MCUB: variants seen among roughly 807,000 people sequenced by gnomAD.
The protein encoded by MCUB is calcium uniporter regulatory subunit MCUb, mitochondrial.
In MCUB, 46 loss-of-function variants were observed where a neutral mutation model predicts 41.4. The ratio of observed to expected loss-of-function variants is 1.11; its 90% CI spans 0.88 to 1.42. The LOEUF is 1.42. Among genes scored for constraint, MCUB ranks in the 40% most tolerant of loss-of-function variants. The pLI is 0.00. For synonymous variants in MCUB, 148 were observed against 148.2 expected (o/e 1.00, Z 0.01); for missense variants, 403 against 404.9 (o/e 1.00, Z 0.04).
intron 4 of MCUB, among the ~76,000 whole-genome samples, chr4:109,675,700 T>C (rs1006846193): frequency 4.6e-5 from 7 of 152,196 alleles, no homozygotes; most frequent in African/African-American, 1.7e-4. Flanking sequence ...TGGGAGGTGT[T>C]TGGCTCATGG....
chr4:109,660,830 TA>T (rs78342737), intron 3 of MCUB, among the ~76,000 whole-genome samples: 306 of 143,712 alleles, frequency 2.1e-3, no homozygotes, highest in Middle Eastern at 3.5e-3. Context: ...AAAAGAAAAT[TA>T]AAAAAAAAAA....
intron 1 of MCUB, among the ~76,000 whole-genome samples, chr4:109,580,806 T>A (rs1427167511): frequency 6.6e-6 from 1 of 152,158 alleles, no homozygotes; most frequent in Non-Finnish European, 1.5e-5. Flanking sequence ...ATTGTAAAAA[T>A]TTTCTCCCAG....
intron 1 of MCUB, among the ~76,000 whole-genome samples, chr4:109,561,673 C>G (rs1726640980): frequency 6.6e-6 from 1 of 152,160 alleles, no homozygotes; most frequent in South Asian, 2.1e-4. Flanking sequence ...ATTGTGTAGT[C>G]AAAGAGATAC....
intron 1 of MCUB, among the ~76,000 whole-genome samples, chr4:109,653,360 C>G (rs1729005539): frequency 6.8e-6 from 1 of 147,182 alleles, no homozygotes; most frequent in African/African-American, 2.5e-5. Flanking sequence ...GCCTGGGGGA[C>G]AGAGCAAGAC....
intron 1 of MCUB, among the ~76,000 whole-genome samples, chr4:109,596,621 C>T (rs1036409616): frequency 1.3e-5 from 2 of 152,118 alleles, no homozygotes; most frequent in African/African-American, 4.8e-5. Context: ...ATATCACTCT[C>T]TAGTGTCTGG....
At chr4:109,650,712 T>C (rs1561240936) in intron 1 of MCUB, among the ~76,000 whole-genome samples, 1 of 152,188 alleles carries the variant, frequency 6.6e-6, no homozygotes, top group Admixed American at 6.5e-5. Flanking sequence ...ACCATCTAAT[T>C]TTTAGACCTC....
intron 1 of MCUB, among the ~76,000 whole-genome samples, chr4:109,596,492 C>T (rs1727558022): frequency 1.3e-5 from 2 of 151,566 alleles, no homozygotes; most frequent in Admixed American, 6.6e-5. Flanking sequence ...AGACACAGTG[C>T]CCTTCTTGCC....
chr4:109,611,400 A>C (rs1328810378), intron 1 of MCUB, among the ~76,000 whole-genome samples: 1 of 152,238 alleles, frequency 6.6e-6, no homozygotes, highest in Non-Finnish European at 1.5e-5. Context: ...GGATATGTGA[A>C]AAGTAAAATG....
In MCUB at chr4:109,593,213, G is replaced by A. The variant is rs557772103; in HGVS notation, c.99+32777G>A. Among the ~76,000 whole-genome samples the A allele has an allele frequency of 9.2e-5, 14 of 152,274 alleles. No individual in the cohort carries two copies. In the East Asian group the frequency reaches 2.1e-3, roughly 23 times the overall value. On this transcript the variant is annotated intron_variant, in intron 1 of 7. Transcript: ENST00000394650. ...AAAGGTATATCAGGAATCTTATTTC[G>A]TGTCAATCAATACCTTTTTACGTAA...
intron 1 of MCUB, among the ~76,000 whole-genome samples, chr4:109,632,374 T>C (rs1305792168): frequency 6.6e-6 from 1 of 152,120 alleles, no homozygotes; most frequent in Non-Finnish European, 1.5e-5. Context: ...TCTAAAATAG[T>C]GAGAAGTCTG....
chr4:109,588,030 G>T (rs12640500), intron 1 of MCUB, among the ~76,000 whole-genome samples: 29,069 of 152,162 alleles, frequency 0.19, 3,900 homozygotes, highest in African/African-American at 0.37. Flanking sequence ...GTATCTAATG[G>T]ACAGTGCTGA....
chr4:109,658,598 G>A (rs918940107), intron 1 of MCUB, among the ~76,000 whole-genome samples: 2 of 152,082 alleles, frequency 1.3e-5, no homozygotes, highest in Admixed American at 6.6e-5. Flanking sequence ...TGCCCGGCCC[G>A]ATTCTGCATT....
At position 109,564,420 on chromosome 4, in the gene MCUB, G is replaced by C. The variant is rs916370891; in HGVS notation, c.99+3984G>C. Among the ~76,000 whole-genome samples the C allele has an allele frequency of 3.9e-5, 6 of 152,286 alleles. No individual in the cohort carries two copies. The South Asian group carries it at 1.2e-3, about 32-fold the overall frequency. ...CCCAAAGTGCTGGGATTACAAGCAT[G>C]AGACACTGCGCCCGGCTGGCTATAT... On this transcript the variant is annotated intron_variant, in intron 1 of 7. Coordinates refer to ENST00000394650, the MANE Select transcript of MCUB (RefSeq NM_017918.5).
intron 1 of MCUB, among the ~76,000 whole-genome samples, chr4:109,601,072 C>A (rs909483480): frequency 6.6e-6 from 1 of 151,904 alleles, no homozygotes; most frequent in East Asian, 1.9e-4. Context: ...GGATTACAGG[C>A]GTGAGCTACC....
At chr4:109,661,166 A>G (rs918995799) in intron 3 of MCUB, among the ~76,000 whole-genome samples, 1 of 152,260 alleles carries the variant, frequency 6.6e-6, no homozygotes, top group Admixed American at 6.5e-5. Flanking sequence ...CATCACTTAG[A>G]CATTTAAAAT....
chr4:109,566,581 T>G (rs574125514), intron 1 of MCUB, among the ~76,000 whole-genome samples: 1 of 152,174 alleles, frequency 6.6e-6, no homozygotes, highest in Non-Finnish European at 1.5e-5. Context: ...TTTCAATCAT[T>G]AAGACCATTC....
intron 1 of MCUB, among the ~76,000 whole-genome samples, chr4:109,620,077 G>A (rs867807438): frequency 6.6e-6 from 1 of 152,138 alleles, no homozygotes; most frequent in African/African-American, 2.4e-5. Context: ...GGCATCAGCC[G>A]GATATCCCTA....
At chr4:109,668,845 C>G (rs1729398102) in intron 4 of MCUB, among the ~76,000 whole-genome samples, 1 of 151,938 alleles carries the variant, frequency 6.6e-6, no homozygotes, top group Admixed American at 6.6e-5. Context: ...TTGCAATATA[C>G]ATTTACAACT....
intron 1 of MCUB, among the ~76,000 whole-genome samples, chr4:109,585,149 T>C (rs1727276036): frequency 6.6e-6 from 1 of 152,204 alleles, no homozygotes; most frequent in Non-Finnish European, 1.5e-5. Context: ...GGTGCATATA[T>C]ATTTAGGATA....
Sources: gnomAD v4.1 joint callset for allele counts (sites outside exome capture counted in the v4.1 genomes callset) on GRCh38, gnomAD v4.1.1 for gene constraint, MANE v1.5 for transcripts, NCBI Gene and HGNC (gene_info 2026-07-23, HGNC 2026-07-21) for gene names.